Variants in PTGIR observed in about 807,000 individuals in gnomAD.
PTGIR encodes the protein prostaglandin I2 receptor, also known as prostacyclin receptor.
A neutral mutation model predicts 17.6 loss-of-function variants in PTGIR; 16 were observed. The ratio of observed to expected loss-of-function variants is 0.91; its 90% CI spans 0.61 to 1.38. The LOEUF (loss-of-function observed/expected upper bound fraction) is 1.38, where lower values mean the gene tolerates loss of function less well. Ranked by LOEUF, PTGIR falls within the 40% of genes most tolerant of loss-of-function variation. The pLI, the probability that PTGIR is intolerant of heterozygous loss-of-function variation, is 0.00. For synonymous variants in PTGIR, 274 were observed against 255.4 expected (o/e 1.07, Z -0.69); for missense variants, 532 against 548.6 (o/e 0.97, Z 0.30).
At position 46,621,222 on chromosome 19, in the gene PTGIR, A is replaced by T. The variant is rs993151773; in HGVS notation, c.*58T>A. ...TCCGCAGCCATCAGCCATGTCCCTG[A>T]TTTTCTGGCTCCTGTCGCCCGAAGA... On this transcript the variant is annotated 3_prime_UTR_variant, in exon 3 of 3. Transcript: ENST00000291294. This position sits in a 1 kb window ranked among gnomAD's most constrained non-coding sequence, Gnocchi z 4.8. 2.0e-6 allele frequency: 3 copies of T among 1,469,368 alleles called. No individual in the cohort carries two copies. The highest frequency in any genetic ancestry group is 2.7e-6 in the Non-Finnish European group (3 of 1,107,452). The allele number at this position is 1,469,368 out of a possible 1,614,324, so 91.0% of individuals were successfully genotyped here. A position where few individuals can be genotyped will look rare whatever the true frequency, so the allele number is the denominator to read the frequency against.
rs2052730730 is a variant in PTGIR, at chr19:46,621,727, C to G, written c.769-55G>C. ...ACCCAGGAGTCCTCAGCCTCCCCAC[C>G]CTGGCTCCCTCCTCCCACTTGCTTA... On this transcript the variant is annotated intron_variant, in intron 2 of 2. Transcript: ENST00000291294. This position sits in a 1 kb window ranked among gnomAD's most constrained non-coding sequence, Gnocchi z 4.8. 6.4e-7 allele frequency: 1 copy of G among 1,551,158 alleles called. No homozygotes were observed. The highest frequency in any genetic ancestry group is 1.9e-5 in the Admixed American group (1 of 53,466).
At chr19:46,616,682 G>T (rs961243493), downstream of PTGIR, among the ~76,000 whole-genome samples, 1 of 152,080 alleles carries the variant, frequency 6.6e-6, no homozygotes, top group Admixed American at 6.6e-5. Context: ...TCAGGTCCCC[G>T]CTCAGCCATC....
chr19:46,624,078 C>T lies in PTGIR; in HGVS notation c.148G>A (p.Ala50Thr). Residue 50 changes from alanine (A) to threonine (T), a missense_variant, in exon 2 of 3, where the codon GCG becomes ACG. By Grantham distance (58) the Ala-to-Thr change is moderately conservative. Transcript: ENST00000291294. ...GCCGCCAGTCCGGTCACCAGCACCG[C>T]GAAGGCCGAGGGGCGCGCCGGTCGC... ...ARRPARPSAF[A>T]VLVTGLAATD... 1 of 1,542,084 alleles carries T rather than the reference C, an allele frequency of 6.5e-7. No individual in the cohort carries two copies. Among genetic ancestry groups the T allele is most frequent in the Non-Finnish European group, 8.7e-7 (1 of 1,148,326 alleles).
chr19:46,616,071 G>A (rs933821724), downstream of PTGIR, among the ~76,000 whole-genome samples: 27 of 152,106 alleles, frequency 1.8e-4, no homozygotes, highest in African/African-American at 6.0e-4. Flanking sequence ...CAAAATGCTG[G>A]GATTACAGGT....
In PTGIR at chr19:46,623,998, C is replaced by T. The variant is rs201744128; in HGVS notation, c.228G>A (p.Ala76=). The T allele has an allele frequency of 4.2e-5, 66 of 1,555,404 alleles. No individual in the cohort carries two copies. Among genetic ancestry groups the T allele is most frequent in the Non-Finnish European group, 5.7e-5 (65 of 1,149,718 alleles). The part of the protein sequence containing the change: ...FLSPAVFVAY[A]RNSSLLGLAR... ...CCAGGCCCAGCAGGGAGCTGTTGCG[C>T]GCATAGGCCACGAACACGGCCGGGC... The change falls in exon 2 of 3, where the codon GCG becomes GCA. Residue 76 remains alanine (A), a synonymous_variant. Transcript: ENST00000291294.
chr19:46,621,977 G>A lies in PTGIR; in HGVS notation c.769-305C>T, dbSNP rs2052733865. Reference sequence around the variant, plus strand: ...AGTATAACGTCCCTGCAAGAAGGTGGCGCCACCCGGCTGGGCCCCCTGAAA... The same window carrying A: ...AGTATAACGTCCCTGCAAGAAGGTGACGCCACCCGGCTGGGCCCCCTGAAA... On this transcript the variant is annotated intron_variant, in intron 2 of 2. Coordinates refer to ENST00000291294, the MANE Select transcript of PTGIR (RefSeq NM_000960.4). The surrounding 1 kb of genome is among the most constrained non-coding windows in gnomAD (Gnocchi z 4.8). 3.0e-6 allele frequency: 3 copies of A among 985,414 alleles called. No individual in the cohort carries two copies. Among genetic ancestry groups the A allele is most frequent in the Non-Finnish European group, 3.6e-6 (3 of 829,934 alleles). 61.0% of individuals were successfully genotyped at this position (985,414 alleles called of 1,614,324 possible). A position where few individuals can be genotyped will look rare whatever the true frequency, so the allele number is the denominator to read the frequency against.
downstream of PTGIR, among the ~76,000 whole-genome samples, chr19:46,616,130 A>G (rs1336229060): frequency 6.6e-6 from 1 of 151,808 alleles, no homozygotes; most frequent in Non-Finnish European, 1.5e-5. Context: ...GTGATTATTC[A>G]ATCACCCACG....
Position 46,621,827 on chromosome 19 carries a change from G to A in PTGIR, c.769-155C>T, listed in dbSNP as rs2052731698. The A allele has an allele frequency of 7.1e-7, 1 of 1,408,656 alleles. No individual in the cohort carries two copies. 87.3% of individuals were successfully genotyped at this position (1,408,656 alleles called of 1,614,324 possible). On this transcript the variant is annotated intron_variant, in intron 2 of 2. Transcript: ENST00000291294. The surrounding 1 kb of genome is among the most constrained non-coding windows in gnomAD (Gnocchi z 4.8). The stretch of plus-strand genomic sequence containing the variant: ...AGACTAAGTAACAAATGTATCTGGG[G>A]AACACAGGGAGAGAAAGCCCCAGGA...
chr19:46,619,656 A>AGAAAG (rs1164634219), downstream of PTGIR, among the ~76,000 whole-genome samples: 6 of 124,064 alleles, frequency 4.8e-5, no homozygotes, highest in African/African-American at 1.9e-4. Context: ...AAAGAAAGAA[A>AGAAAG]AGAAAGAAAG....
rs1302312813 is a variant in PTGIR, at chr19:46,621,120, G to A, written c.*160C>T. 4.5e-6 allele frequency: 6 copies of A among 1,330,224 alleles called. No individual in the cohort carries two copies. Among genetic ancestry groups the A allele is most frequent in the Non-Finnish European group, 5.8e-6 (6 of 1,039,904 alleles). 82.4% of individuals were successfully genotyped at this position (1,330,224 alleles called of 1,614,324 possible). On this transcript the variant is annotated 3_prime_UTR_variant, in exon 3 of 3. Transcript: ENST00000291294. The surrounding 1 kb of genome is among the most constrained non-coding windows in gnomAD (Gnocchi z 4.8). ...TCCTCTGTCCCTCACTCTCTTCCCA[G>A]AGCCAGCAGCGACTGCCCTGCCGCA...
intron 2 of PTGIR, chr19:46,622,582 G>A (rs2052743451): frequency 1.2e-5 from 2 of 173,394 alleles, no homozygotes; most frequent in Non-Finnish European, 2.3e-5. Flanking sequence ...TTTCATCATG[G>A]GGGGCTCAGG....
At chr19:46,622,763 G>A (rs890958259) in intron 2 of PTGIR, 3 of 152,260 alleles carry the variant, frequency 2.0e-5, no homozygotes, top group Non-Finnish European at 4.4e-5. Context: ...GGATGCAGTG[G>A]TATAATCACA....
downstream of PTGIR, among the ~76,000 whole-genome samples, chr19:46,618,329 T>C (rs965526278): frequency 6.6e-6 from 1 of 152,114 alleles, no homozygotes; most frequent in Non-Finnish European, 1.5e-5. Flanking sequence ...TTTGTATTTT[T>C]AGTAGAGATG....
chr19:46,618,488 A>G (rs9304662), downstream of PTGIR, among the ~76,000 whole-genome samples: 65,148 of 151,496 alleles, frequency 0.43, 14,309 homozygotes, highest in African/African-American at 0.52. Context: ...TTGTAGAAAC[A>G]GGTTCTTGAT....
downstream of PTGIR, among the ~76,000 whole-genome samples, chr19:46,618,067 C>T (rs1196691267): frequency 1.2e-4 from 18 of 144,206 alleles, no homozygotes; most frequent in Non-Finnish European, 2.4e-4. Context: ...CAGGCTGGAG[C>T]GCTGTGGCGT....
At chr19:46,618,396 T>G (rs1971993928), downstream of PTGIR, among the ~76,000 whole-genome samples, 1 of 152,116 alleles carries the variant, frequency 6.6e-6, no homozygotes, top group Non-Finnish European at 1.5e-5. Flanking sequence ...GTGATCCTCC[T>G]GCCTTGGCCT....
the PTGIR span, among the ~76,000 whole-genome samples, chr19:46,611,999 C>T: frequency 0.011 from 1,658 of 152,318 alleles, 67 homozygotes; most frequent in Admixed American, 0.066. Flanking sequence ...AGAGATCAGG[C>T]CTCGGCTGGG....
downstream of PTGIR, among the ~76,000 whole-genome samples, chr19:46,619,594 A>AGAAAGGAG: frequency 7.9e-6 from 1 of 127,084 alleles, no homozygotes. Flanking sequence ...AAAGAAAGAA[A>AGAAAGGAG]AGAAAGAAAG....
rs529123371 is a variant in PTGIR at position 46,624,460 on chromosome 19, T to C, written c.-12-223A>G. On this transcript the variant is annotated intron_variant, in intron 1 of 2. Transcript: ENST00000291294. ...TGTTTCTCTTTCTCTCTTTCTTTTC[T>C]TTCGTTTCTTTTGAGACAGAGTCTC... The C allele has an allele frequency of 8.8e-4, 386 of 436,864 alleles. 1 individual carries two copies. Among genetic ancestry groups the C allele is most frequent in the African/African-American group, 7.4e-3 (359 of 48,522 alleles). The allele number at this position is 436,864 out of a possible 1,614,324, so 27.1% of individuals were successfully genotyped here.
Sources: gnomAD v4.1 joint callset for allele counts (sites outside exome capture counted in the v4.1 genomes callset) on GRCh38, gnomAD v4.1.1 for gene constraint, Gnocchi (gnomAD v3.1) non-coding constraint, MANE v1.5 for transcripts, NCBI Gene and HGNC (gene_info 2026-07-23, HGNC 2026-07-21) for gene names.